NRG1: variants seen among roughly 807,000 people sequenced by gnomAD.
NRG1 encodes the protein neuregulin 1, also known as pro-neuregulin-1, membrane-bound isoform.
In NRG1, 18 loss-of-function variants were observed where a neutral mutation model predicts 63.8. The ratio of observed to expected loss-of-function variants is 0.28; its 90% CI spans 0.19 to 0.42. The LOEUF (loss-of-function observed/expected upper bound fraction) is 0.42. Ranked by LOEUF, NRG1 falls within the 10% of genes least tolerant of loss-of-function variation. The pLI is 1.00. For synonymous variants in NRG1, 302 were observed against 301.3 expected (o/e 1.00, Z -0.02); for missense variants, 762 against 814.7 (o/e 0.94, Z 0.79).
At chr8:32,760,473 G>A (rs973374802) in intron 11 of NRG1, 67 bp downstream of exon 11, 24 of 1,601,338 alleles carry the variant, frequency 1.5e-5, no homozygotes, top group Non-Finnish European at 1.9e-5. Flanking sequence ...GAGCACCTGC[G>A]GTCTCACCTC....
At chr8:32,740,382 G>C (rs909789123) in intron 6 of NRG1, among the ~76,000 whole-genome samples, 5 of 151,892 alleles carry the variant, frequency 3.3e-5, no homozygotes, top group African/African-American at 1.2e-4. Context: ...TTTTAGTAGA[G>C]ACAGGGTTTC....
At chr8:32,001,713 G>A (rs1164545240) in intron 1 of NRG1, among the ~76,000 whole-genome samples, 1 of 151,976 alleles carries the variant, frequency 6.6e-6, no homozygotes, top group Non-Finnish European at 1.5e-5. Flanking sequence ...TCAACTTTGA[G>A]TAATACTAGC....
intron 1 of NRG1, among the ~76,000 whole-genome samples, chr8:32,084,380 A>C (rs1827924332): frequency 6.6e-6 from 1 of 152,172 alleles, no homozygotes; most frequent in African/African-American, 2.4e-5. Flanking sequence ...TTTCCAGGAA[A>C]GTTCTATAAA....
chr8:32,588,591 C>T (rs772550844), intron 1 of NRG1, among the ~76,000 whole-genome samples: 1 of 152,104 alleles, frequency 6.6e-6, no homozygotes, highest in Non-Finnish European at 1.5e-5. Context: ...TATAATGAAA[C>T]GTTCTATGCA....
chr8:32,561,582 T>A (rs1308627353), intron 1 of NRG1, among the ~76,000 whole-genome samples: 1 of 152,226 alleles, frequency 6.6e-6, no homozygotes, highest in Non-Finnish European at 1.5e-5. Context: ...CAAGAGATCT[T>A]TGTGGGCTCT....
intron 1 of NRG1, among the ~76,000 whole-genome samples, chr8:32,037,118 A>G (rs1819196455): frequency 6.6e-6 from 1 of 152,148 alleles, no homozygotes; most frequent in African/African-American, 2.4e-5. Flanking sequence ...TGAGGTTTTT[A>G]TGGGTTCTTT....
intron 1 of NRG1, among the ~76,000 whole-genome samples, chr8:32,511,383 A>G (rs1829196878): frequency 6.9e-6 from 1 of 144,744 alleles, no homozygotes; most frequent in African/African-American, 2.5e-5. Flanking sequence ...ATATATATAT[A>G]TATATATATA....
intron 1 of NRG1, among the ~76,000 whole-genome samples, chr8:32,001,336 G>A (rs1332878895): frequency 6.6e-6 from 1 of 151,810 alleles, no homozygotes; most frequent in Non-Finnish European, 1.5e-5. Flanking sequence ...TTTATAAAGG[G>A]GAGTTCCCCT....
chr8:31,692,583 A>T (rs775583226), intron 1 of NRG1, among the ~76,000 whole-genome samples: 1 of 152,220 alleles, frequency 6.6e-6, no homozygotes, highest in Non-Finnish European at 1.5e-5. Context: ...TAGACTGAAA[A>T]AGTGGCAATA....
chr8:31,652,849 T>C (rs1186901280), intron 1 of NRG1, among the ~76,000 whole-genome samples: 5 of 152,086 alleles, frequency 3.3e-5, no homozygotes, highest in African/African-American at 9.7e-5. Context: ...CTTTCTTTGC[T>C]TTTCCTTTTC....
At chr8:32,196,978 A>C (rs1237320264) in intron 1 of NRG1, among the ~76,000 whole-genome samples, 2 of 12,178 alleles carry the variant, frequency 1.6e-4, no homozygotes, top group Non-Finnish European at 5.8e-4. Context: ...TTTTTTTTTT[A>C]AGATAGAGTC....
At chr8:31,854,861 C>T (rs1405427335) in intron 1 of NRG1, among the ~76,000 whole-genome samples, 4 of 152,178 alleles carry the variant, frequency 2.6e-5, no homozygotes, top group South Asian at 2.1e-4. Context: ...GCCTTCGTTT[C>T]GTTATGTACC....
intron 5 of NRG1, among the ~76,000 whole-genome samples, chr8:32,719,264 T>TATTTAAACAAGTACATATATAATATCC (rs1820034765): frequency 2.0e-5 from 3 of 152,022 alleles, no homozygotes; most frequent in Non-Finnish European, 4.4e-5. Context: ...TATAAGCATA[T>TATTTAAACAAGTACATATATAATATCC]ATTTAAACAA....
intron 1 of NRG1, among the ~76,000 whole-genome samples, chr8:31,675,553 T>C (rs531499526): frequency 1.3e-5 from 2 of 152,296 alleles, no homozygotes; most frequent in East Asian, 1.9e-4. Flanking sequence ...TGTTATCAAG[T>C]CCAATTTGCA....
intron 1 of NRG1, among the ~76,000 whole-genome samples, chr8:31,652,132 T>G (rs1804911838): frequency 6.6e-6 from 1 of 152,172 alleles, no homozygotes; most frequent in Admixed American, 6.5e-5. Flanking sequence ...TGAGATAAAT[T>G]CAGTTAACCC....
chr8:31,661,208 T>G (rs981975327), intron 1 of NRG1, among the ~76,000 whole-genome samples: 1 of 152,226 alleles, frequency 6.6e-6, no homozygotes, highest in African/African-American at 2.4e-5. Flanking sequence ...CCTTCTATAA[T>G]GCCATATTAA....
intron 1 of NRG1, among the ~76,000 whole-genome samples, chr8:32,038,703 T>C (rs1185631138): frequency 6.6e-6 from 1 of 152,070 alleles, no homozygotes; most frequent in African/African-American, 2.4e-5. Context: ...GATGTGAAAT[T>C]TGGGAGCACG....
intron 1 of NRG1, among the ~76,000 whole-genome samples, chr8:32,320,792 G>A (rs1290665727): frequency 6.6e-6 from 1 of 152,134 alleles, no homozygotes; most frequent in Non-Finnish European, 1.5e-5. Flanking sequence ...GACTTCAAAA[G>A]ACATGTCATC....
At chr8:31,998,202 G>T (rs543165286) in intron 1 of NRG1, among the ~76,000 whole-genome samples, 1 of 151,980 alleles carries the variant, frequency 6.6e-6, no homozygotes, top group African/African-American at 2.4e-5. Context: ...TTTGATTCCA[G>T]CCTAGGGAGG....
Sources: gnomAD v4.1 joint callset for allele counts (sites outside exome capture counted in the v4.1 genomes callset) on GRCh38, gnomAD v4.1.1 for gene constraint, MANE v1.5 for transcripts, NCBI Gene and HGNC (gene_info 2026-07-23, HGNC 2026-07-21) for gene names.